Variants in PCYT2 observed in about 807,000 individuals in gnomAD.
PCYT2 encodes ethanolamine-phosphate cytidylyltransferase.
Under a neutral mutation model 50.0 loss-of-function variants are expected in PCYT2, and 33 were observed. The ratio of observed to expected loss-of-function variants is 0.66; its 90% CI spans 0.50 to 0.88. PCYT2 has a LOEUF of 0.88. Among genes scored for constraint, PCYT2 ranks in the 40% least tolerant of loss-of-function variants. The pLI is 0.00. For synonymous variants in PCYT2, 240 were observed against 203.7 expected (o/e 1.18, Z -1.52); for missense variants, 430 against 519.7 (o/e 0.83, Z 1.68).
intron 4 of PCYT2, among the ~76,000 whole-genome samples, chr17:81,908,322 C>G (rs1224204299): frequency 2.0e-5 from 3 of 152,264 alleles, no homozygotes; most frequent in African/African-American, 7.2e-5. Context: ...AGCTCAACAG[C>G]TGCCACCTCA....
Position 81,902,689 on chromosome 17 carries a change from T to A in PCYT2, c.*2144A>T. The A allele has an allele frequency of 6.2e-7, 1 of 1,608,916 alleles. No homozygotes were observed. Among genetic ancestry groups the A allele is most frequent in the Admixed American group, 1.7e-5 (1 of 59,856 alleles). ...GCGGCTCCCCGACGGCCGCGGGACC[T>A]ACCAGTGCAAGGCGAACGTCTTCCT... On this transcript the variant is annotated 3_prime_UTR_variant, in exon 13 of 13. Coordinates refer to ENST00000538936, the MANE Select transcript of PCYT2 (RefSeq NM_002861.5).
At chr17:81,911,117 A>C in intron 1 of PCYT2, 150 bp downstream of exon 1, 1 of 1,002,458 alleles carries the variant, frequency 1.0e-6, no homozygotes. Flanking sequence ...CCCTCCCGGC[A>C]GGCGAGCCCC....
chr17:81,911,040 CG>C, intron 1 of PCYT2: 1 of 997,626 alleles, frequency 1.0e-6, no homozygotes, highest in Non-Finnish European at 1.2e-6. Context: ...TCGGCGTGAC[CG>C]GGCGGGGCCT....
Position 81,903,154 on chromosome 17 carries a change from C to T in PCYT2, c.*1679G>A, listed in dbSNP as rs372667478. ...TGGCCCGGTTCCCAGTGTCCTCCCC[C>T]AGCCCTTCGCTCCCCAACTCGAGAG... On this transcript the variant is annotated 3_prime_UTR_variant, in exon 13 of 13. Transcript: ENST00000538936. 49 of 209,644 alleles carry T rather than the reference C, an allele frequency of 2.3e-4. No individual in the cohort carries two copies. The East Asian group carries it at 2.8e-3, about 12-fold the overall frequency. 13.0% of individuals were successfully genotyped at this position (209,644 alleles called of 1,614,324 possible).
intron 6 of PCYT2, 106 bp from the exon 7 acceptor site, chr17:81,907,004 G>A: frequency 7.4e-7 from 1 of 1,351,668 alleles, no homozygotes; most frequent in Non-Finnish European, 1.0e-6. Context: ...CCCATTTCCA[G>A]CCAGTCATCT....
In PCYT2 at chr17:81,902,467, C is replaced by T. The variant is rs888495729; in HGVS notation, c.*2366G>A. On this transcript the variant is annotated 3_prime_UTR_variant, in exon 13 of 13. Coordinates refer to ENST00000538936, the MANE Select transcript of PCYT2 (RefSeq NM_002861.5). ...CTCCCAGCCCTACAGAGGGGCGGAA[C>T]CCCCGGGCGGGGCCGGCGCCTCCCC... 1 of 1,388,942 alleles carries T rather than the reference C, an allele frequency of 7.2e-7. No individual in the cohort carries two copies. Among genetic ancestry groups the T allele is most frequent in the South Asian group, 1.6e-5 (1 of 60,952 alleles). The allele number at this position is 1,388,942 out of a possible 1,614,324, so 86.0% of individuals were successfully genotyped here.
rs747075830 is a variant in PCYT2, at chr17:81,906,206, C to T, written c.760-29G>A. ...CGGCCAGAGTGCGGCTAGCTCAGCC[C>T]GGAGACTTTTTGGGGGGACAGGGTG... On this transcript the variant is annotated intron_variant, in intron 8 of 12. Transcript: ENST00000538936. 5.5e-5 allele frequency: 87 copies of T among 1,584,028 alleles called. 9 individuals carry two copies. In the Admixed American group the frequency reaches 6.8e-4, roughly 12 times the overall value.
rs200148360 is a variant in PCYT2, at chr17:81,904,953, G to A, written c.1059-9C>T. On this transcript the variant is annotated splice_polypyrimidine_tract_variant and intron_variant, in intron 12 of 12. Coordinates refer to ENST00000538936, the MANE Select transcript of PCYT2 (RefSeq NM_002861.5). ...GCGCCTCATACTCCAACCTGAGAGG[G>A]CAGGGTAAGTCTAGCAGAGAGCGCC... is the stretch of plus-strand genomic sequence containing the variant. 7 of 1,610,534 alleles carry A rather than the reference G, an allele frequency of 4.3e-6. No homozygotes were observed. In the East Asian group the frequency reaches 1.6e-4, roughly 36 times the overall value.
At position 81,902,153 on chromosome 17, in the gene PCYT2, A is replaced by AGCCC. The variant is rs1485726985; in HGVS notation, c.*2676_*2679dup. Reference sequence around the variant, plus strand: ...CCTCCGCGCGCGCCCGCTGCACCCCAGCCCGCCCGCCGCCCCTCCCGGCCC... The same window carrying AGCCC: ...CCTCCGCGCGCGCCCGCTGCACCCCAGCCCGCCCGCCCGCCGCCCCTCCCGGCCC... On this transcript the variant is annotated 3_prime_UTR_variant, in exon 13 of 13. Coordinates refer to ENST00000538936, the MANE Select transcript of PCYT2 (RefSeq NM_002861.5). The AGCCC allele has an allele frequency of 2.2e-6, 2 of 928,042 alleles. No individual in the cohort carries two copies. Among genetic ancestry groups the AGCCC allele is most frequent in the Admixed American group, 4.7e-5 (1 of 21,390 alleles). The allele number at this position is 928,042 out of a possible 1,614,324, so 57.5% of individuals were successfully genotyped here.
intron 9 of PCYT2, 117 bp downstream of exon 9, chr17:81,905,983 G>C: frequency 1.1e-6 from 1 of 909,258 alleles, no homozygotes; most frequent in African/African-American, 1.7e-5. Flanking sequence ...TCGGGGTGCT[G>C]GGTGCAGCTC....
intron 4 of PCYT2, 35 bp from the exon 5 acceptor site, chr17:81,907,892 G>C (rs754957222): frequency 2.6e-6 from 4 of 1,549,952 alleles, no homozygotes; most frequent in East Asian, 2.2e-5. Context: ...TCTCATCCTG[G>C]GACACTCGCA....
Position 81,909,535 on chromosome 17 carries a change from T to C in PCYT2, c.157A>G (p.Ile53Val). The C allele has an allele frequency of 1.2e-6, 2 of 1,612,790 alleles. No homozygotes were observed. Among genetic ancestry groups the C allele is most frequent in the Non-Finnish European group, 1.7e-6 (2 of 1,179,094 alleles). The change falls in exon 2 of 13, where the codon ATC (isoleucine) becomes GTC (valine). Residue 53 changes from isoleucine (I) to valine (V), a missense_variant. By Grantham distance (29) the Ile-to-Val change is conservative (BLOSUM62 3). This residue lies in a region of PCYT2 where 117 missense variants were observed against 163.9 expected (regional missense o/e 0.71). Coordinates refer to ENST00000538936, the MANE Select transcript of PCYT2 (RefSeq NM_002861.5). ...RQARAMGDYL[I>V]VGVHTDEEIA... ...TTACCATCGGTGTGCACGCCTACGATGAGGTAGTCACCCATGGCCCGTGCC... is the reference window on the plus strand; with the variant it reads ...TTACCATCGGTGTGCACGCCTACGACGAGGTAGTCACCCATGGCCCGTGCC...
At chr17:81,906,615 A>G (rs2040285216) in intron 7 of PCYT2, 69 bp from the exon 8 acceptor site, 3 of 1,575,320 alleles carry the variant, frequency 1.9e-6, no homozygotes, top group Middle Eastern at 1.7e-4. Flanking sequence ...CTCATGCCCA[A>G]GGGCCTCCCC....
intron 2 of PCYT2, 34 bp from the exon 3 acceptor site, chr17:81,909,071 C>T (rs760339437): frequency 1.3e-6 from 2 of 1,599,392 alleles, no homozygotes; most frequent in Non-Finnish European, 1.7e-6. Flanking sequence ...CTGGGGACCC[C>T]AGCCCACCCG....
At position 81,902,995 on chromosome 17, in the gene PCYT2, T is replaced by A; in HGVS notation, c.*1838A>T. 1 of 488,832 alleles carries A rather than the reference T, an allele frequency of 2.0e-6. No individual in the cohort carries two copies. Among genetic ancestry groups the A allele is most frequent in the Non-Finnish European group, 3.6e-6 (1 of 280,248 alleles). The allele number at this position is 488,832 out of a possible 1,614,324, so 30.3% of individuals were successfully genotyped here. On this transcript the variant is annotated 3_prime_UTR_variant, in exon 13 of 13. Coordinates refer to ENST00000538936, the MANE Select transcript of PCYT2 (RefSeq NM_002861.5). The stretch of plus-strand genomic sequence containing the variant: ...CTGGGTATGAGAAGGCAGCCGAGTG[T>A]GCGGCGGCAGGGCAAGGTTGGCCTG...
rs2230472 is a variant in PCYT2 at position 81,906,878 on chromosome 17, G to A, written c.558C>T (p.Pro186=). ...SFGKCPGGRN[P]WTGVSQFLQT... ...GCAGGAACTGGGATACCCCGGTCCA[G>A]GGGTTCCGCCCACCAGGGCACTGCA... The change falls in exon 7 of 13, where the codon CCC becomes CCT. Residue 186 remains proline (P), a synonymous_variant. Transcript: ENST00000538936. 3.8e-3 allele frequency: 6,172 copies of A among 1,613,116 alleles called. 199 individuals carry two copies. In the African/African-American group the frequency reaches 0.071, roughly 19 times the overall value.
intron 2 of PCYT2, 66 bp downstream of exon 2, chr17:81,909,448 C>CA: frequency 6.5e-7 from 1 of 1,528,020 alleles, no homozygotes. Flanking sequence ...TGCAGGCTTT[C>CA]AGTCAACAGT....
At chr17:81,906,570 C>G (rs755215530) in intron 7 of PCYT2, 24 bp from the exon 8 acceptor site, 1 of 1,610,008 alleles carries the variant, frequency 6.2e-7, no homozygotes, top group East Asian at 2.2e-5. Context: ...AAGAAGCAGT[C>G]GGGATGGGGA....
Position 81,902,433 on chromosome 17 carries a change from C to T in PCYT2, c.*2400G>A. 1 of 1,353,012 alleles carries T rather than the reference C, an allele frequency of 7.4e-7. No homozygotes were observed. Among genetic ancestry groups the T allele is most frequent in the Non-Finnish European group, 9.4e-7 (1 of 1,060,232 alleles). The allele number at this position is 1,353,012 out of a possible 1,614,324, so 83.8% of individuals were successfully genotyped here. Reference sequence around the variant, plus strand: ...TGTCCGGCCTCCGCAGGTCCCCGTACGCGCGGCGCTCCCAGCCCTACAGAG... The same window carrying T: ...TGTCCGGCCTCCGCAGGTCCCCGTATGCGCGGCGCTCCCAGCCCTACAGAG... On this transcript the variant is annotated 3_prime_UTR_variant, in exon 13 of 13. Coordinates refer to ENST00000538936, the MANE Select transcript of PCYT2 (RefSeq NM_002861.5).
Sources: allele counts gnomAD v4.1 joint callset (sites outside exome capture counted in the v4.1 genomes callset), GRCh38; gene constraint gnomAD v4.1.1; regional missense constraint gnomAD v4.1.1; transcripts MANE v1.5; gene names NCBI Gene and HGNC (gene_info 2026-07-23, HGNC 2026-07-21).